PAX5: variants seen among roughly 807,000 people sequenced by gnomAD.
The protein encoded by PAX5 is paired box 5.
A neutral mutation model predicts 43.7 loss-of-function variants in PAX5; 9 were observed. The ratio of observed to expected loss-of-function variants is 0.21; its 90% CI spans 0.12 to 0.36. The LOEUF is 0.36. Among genes scored for constraint, PAX5 ranks in the 10% least tolerant of loss-of-function variants. The pLI, the probability that PAX5 is intolerant of heterozygous loss-of-function variation, is 1.00. For missense variants in PAX5, 383 were observed against 532.7 expected, an observed-to-expected ratio of 0.72 and a Z score of 2.77; for synonymous variants, 228 against 214.3, an observed-to-expected ratio of 1.06 and a Z score of -0.56.
In PAX5 at chr9:37,033,973, A is replaced by G; in HGVS notation, c.46+13T>C. On this transcript the variant is annotated intron_variant, in intron 1 of 9. Transcript: ENST00000358127. Reference sequence around the variant, plus strand: ...CGGAGTTTGCACATCTGGAGCCCGTATCGCGGTCCTACCTGTCCTGCTGGT... The same window carrying G: ...CGGAGTTTGCACATCTGGAGCCCGTGTCGCGGTCCTACCTGTCCTGCTGGT... 1 of 1,611,026 alleles carries G rather than the reference A, an allele frequency of 6.2e-7. No individual in the cohort carries two copies.
intron 9 of PAX5, among the ~76,000 whole-genome samples, chr9:36,844,019 T>A (rs1024896299): frequency 6.6e-6 from 1 of 152,306 alleles, no homozygotes; most frequent in Middle Eastern, 3.4e-3. Flanking sequence ...CTCCTGGAGA[T>A]TCTAGGAGTC....
chr9:36,856,545 CT>C (rs796241307), intron 8 of PAX5: 96 of 146,684 alleles, frequency 6.5e-4, no homozygotes, highest in East Asian at 1.8e-3. Context: ...CTTTTTTCCT[CT>C]TTTTTTTTTT....
chr9:37,025,337 C>G (rs1840234733), intron 1 of PAX5, among the ~76,000 whole-genome samples: 2 of 152,258 alleles, frequency 1.3e-5, no homozygotes, highest in Middle Eastern at 3.4e-3. Context: ...CCCCGGGAAG[C>G]TCACCTTCAC....
intron 7 of PAX5, among the ~76,000 whole-genome samples, chr9:36,917,189 C>T (rs1240037551): frequency 6.6e-6 from 1 of 152,124 alleles, no homozygotes; most frequent in Non-Finnish European, 1.5e-5. Flanking sequence ...TACTTTAAAA[C>T]TCAATGCATG....
intron 7 of PAX5, among the ~76,000 whole-genome samples, chr9:36,892,129 T>G (rs986342207): frequency 6.6e-6 from 1 of 152,192 alleles, no homozygotes; most frequent in African/African-American, 2.4e-5. Context: ...AGGGTTCTAA[T>G]TAGGAAAGCA....
rs186828251 is a variant in PAX5 at position 36,947,845 on chromosome 9, G to A, written c.780+18704C>T. ...CATATGCATATGTCTCCATGCTTTT[G>A]TTCTTTCTCTTCTTCCTCTTTCCAC... On this transcript the variant is annotated intron_variant, in intron 6 of 9. Coordinates refer to ENST00000358127, the MANE Select transcript of PAX5 (RefSeq NM_016734.3). 3.3e-5 allele frequency among the ~76,000 whole-genome samples: 5 copies of A among 150,126 alleles called. No individual in the cohort carries two copies. In the Admixed American group the frequency reaches 3.3e-4, roughly 10 times the overall value.
chr9:36,952,236 T>TTTTC (rs1286186032), intron 6 of PAX5, among the ~76,000 whole-genome samples: 9 of 89,284 alleles, frequency 1.0e-4, no homozygotes, highest in African/African-American at 4.2e-4. Flanking sequence ...CCATCTCCCT[T>TTTTC]TTTTTTTTTT....
intron 7 of PAX5, among the ~76,000 whole-genome samples, chr9:36,885,586 G>A (rs3780141): frequency 0.085 from 12,999 of 152,236 alleles, 632 homozygotes; most frequent in South Asian, 0.2. Flanking sequence ...CTTGCTCACA[G>A]TCACACAGCT....
intron 9 of PAX5, among the ~76,000 whole-genome samples, chr9:36,842,528 G>A (rs945256766): frequency 9.9e-5 from 15 of 152,180 alleles, no homozygotes; most frequent in African/African-American, 3.6e-4. Context: ...CCGTGTGAAA[G>A]CTTGCATTTA....
rs78920430 is a variant in PAX5, at chr9:36,910,629, C to T, written c.910+12726G>A. ...TCTATGAGTTCAAAGCATAGATGCC[C>T]GCCTGGACTTTGTAGATACCTCAGC... On this transcript the variant is annotated intron_variant, in intron 7 of 9. Transcript: ENST00000358127. 3.8e-3 allele frequency among the ~76,000 whole-genome samples: 583 copies of T among 152,278 alleles called. 5 individuals are homozygous for T. Among genetic ancestry groups the T allele is most frequent in the African/African-American group, 0.013 (550 of 41,552 alleles).
chr9:36,993,470 C>A (rs1837101041), intron 5 of PAX5, among the ~76,000 whole-genome samples: 1 of 131,216 alleles, frequency 7.6e-6, no homozygotes, highest in Admixed American at 8.0e-5. Context: ...AGGAGAAACT[C>A]AAAATTTTGG....
chr9:36,980,936 C>T (rs1429000445), intron 5 of PAX5, among the ~76,000 whole-genome samples: 4 of 152,006 alleles, frequency 2.6e-5, no homozygotes, highest in Non-Finnish European at 5.9e-5. Flanking sequence ...CTGGGTACCC[C>T]CCCAGCAATC....
chr9:36,881,049 G>A (rs1292974019), intron 8 of PAX5, among the ~76,000 whole-genome samples: 1 of 152,334 alleles, frequency 6.6e-6, no homozygotes, highest in South Asian at 2.1e-4. Context: ...ATTTCCAACA[G>A]CTAAAAGAGA....
intron 7 of PAX5, among the ~76,000 whole-genome samples, chr9:36,909,062 C>T (rs545906237): frequency 6.6e-6 from 1 of 152,172 alleles, no homozygotes; most frequent in African/African-American, 2.4e-5. Flanking sequence ...AATGATCGGA[C>T]CTCTGGCACC....
chr9:36,928,658 A>C (rs938571896), intron 6 of PAX5, among the ~76,000 whole-genome samples: 2 of 152,136 alleles, frequency 1.3e-5, no homozygotes, highest in African/African-American at 4.8e-5. Context: ...ATACGCTAAC[A>C]TCCCCTTCCC....
chr9:37,019,752 T>C (rs1300939038), intron 2 of PAX5, among the ~76,000 whole-genome samples: 1 of 152,214 alleles, frequency 6.6e-6, no homozygotes, highest in Non-Finnish European at 1.5e-5. Context: ...AGCTCCTGCC[T>C]GCCAGGGCAG....
Position 36,944,197 on chromosome 9 carries a change from CTG to C in PAX5, c.781-20715_781-20714del, listed in dbSNP as rs59479310. Reference sequence around the variant, plus strand: ...AGACGCTGTCTCAAAAAAATAAAAGCTGATTAAAAAATAATAATAATTGGACC... The same window carrying C: ...AGACGCTGTCTCAAAAAAATAAAAGCATTAAAAAATAATAATAATTGGACC... On this transcript the variant is annotated intron_variant, in intron 6 of 9. Coordinates refer to ENST00000358127, the MANE Select transcript of PAX5 (RefSeq NM_016734.3). Among the ~76,000 whole-genome samples, 1,206 of 152,166 alleles carry C rather than the reference CTG, an allele frequency of 7.9e-3. 13 individuals are homozygous for C. Among genetic ancestry groups the C allele is most frequent in the African/African-American group, 0.028 (1,145 of 41,506 alleles).
chr9:36,948,932 C>T (rs1336119511), intron 6 of PAX5, among the ~76,000 whole-genome samples: 1 of 152,296 alleles, frequency 6.6e-6, no homozygotes, highest in East Asian at 1.9e-4. Context: ...TGGCAGAACA[C>T]TCCTTAATAA....
intron 7 of PAX5, among the ~76,000 whole-genome samples, chr9:36,896,291 C>T (rs868324016): frequency 6.6e-6 from 1 of 151,970 alleles, no homozygotes; most frequent in African/African-American, 2.4e-5. Flanking sequence ...ACGGGATAGT[C>T]GATGTCACAG....
Sources: allele counts gnomAD v4.1 joint callset (sites outside exome capture counted in the v4.1 genomes callset), GRCh38; gene constraint gnomAD v4.1.1; transcripts MANE v1.5; gene names NCBI Gene and HGNC (gene_info 2026-07-23, HGNC 2026-07-21).